Variants in FREM3 observed in about 807,000 individuals in gnomAD.
FREM3 encodes the protein FRAS1 related extracellular matrix 3.
A neutral mutation model predicts 129.1 loss-of-function variants in FREM3; 105 were observed. The ratio of observed to expected loss-of-function variants is 0.81; its 90% CI spans 0.69 to 0.96. The LOEUF is 0.96. Among genes scored for constraint, FREM3 ranks in the 40% least tolerant of loss-of-function variants. The probability of loss-of-function intolerance (pLI) is 0.00; values close to 1 mark genes in which losing one functional copy is unlikely to be tolerated. For synonymous variants in FREM3, 1,014 were observed against 1,044.9 expected (o/e 0.97, Z 0.57); for missense variants, 2,593 against 2,666.3 (o/e 0.97, Z 0.61).
intron 6 of FREM3, among the ~76,000 whole-genome samples, chr4:143,590,495 T>G (rs1738338673): frequency 6.6e-6 from 1 of 152,228 alleles, no homozygotes; most frequent in South Asian, 2.1e-4. Context: ...ATTGAGATAA[T>G]CACGTGTTTT....
intron 2 of FREM3, among the ~76,000 whole-genome samples, chr4:143,672,698 G>A (rs1344703237): frequency 1.3e-5 from 2 of 152,176 alleles, no homozygotes; most frequent in Non-Finnish European, 2.9e-5. Flanking sequence ...TTCCAACTTG[G>A]TTCCATTCTC....
At chr4:143,594,179 G>A (rs1278058051) in intron 6 of FREM3, among the ~76,000 whole-genome samples, 1 of 152,176 alleles carries the variant, frequency 6.6e-6, no homozygotes, top group East Asian at 1.9e-4. Context: ...TGCTTCCCGG[G>A]TGAGGCGATG....
Position 143,696,228 on chromosome 4 carries a change from A to G in FREM3, c.4448T>C (p.Ile1483Thr), listed in dbSNP as rs776594095. 8.5e-6 allele frequency: 13 copies of G among 1,537,896 alleles called. No homozygotes were observed. Among genetic ancestry groups the G allele is most frequent in the South Asian group, 4.8e-5 (4 of 84,066 alleles). ...CAATTGAAGTTGAGTGAAAGAGGCA[A>G]TGGGTTCCCCAGCATAGTCAGAACT... ...LESSDYAGEP[I>T]ASFTQLQLAS... Residue 1483 changes from isoleucine (I) to threonine (T), a missense_variant, in exon 1 of 8, where the codon ATT becomes ACT. Transcript: ENST00000329798.
chr4:143,644,184 TG>T (rs763617020), intron 2 of FREM3, among the ~76,000 whole-genome samples: 38 of 152,020 alleles, frequency 2.5e-4, no homozygotes, highest in South Asian at 2.3e-3. Context: ...CATATGTGTG[TG>T]TGTGTGTGTG....
chr4:143,610,740 G>A (rs2149839147), intron 6 of FREM3, among the ~76,000 whole-genome samples: 1 of 152,318 alleles, frequency 6.6e-6, no homozygotes, highest in Non-Finnish European at 1.5e-5. Context: ...GTGTCTGGGA[G>A]GGGAGTTGGT....
chr4:143,662,753 G>T (rs994240426), intron 2 of FREM3, among the ~76,000 whole-genome samples: 17 of 152,096 alleles, frequency 1.1e-4, no homozygotes, highest in Admixed American at 2.0e-4. Flanking sequence ...CTTGCTTTAT[G>T]AATCTGGGTG....
Position 143,585,292 on chromosome 4 carries a change from C to A in FREM3, c.6178+552G>T, listed in dbSNP as rs1156825388. On this transcript the variant is annotated intron_variant, in intron 7 of 7. Transcript: ENST00000329798. This position sits in a 1 kb window ranked among gnomAD's most constrained non-coding sequence, Gnocchi z 4.2. The stretch of plus-strand genomic sequence containing the variant: ...TTTTCTTTTCCTATTGGGTCCTGTT[C>A]TTTTTCTGATAAAGCACCTGACAGG... Among the ~76,000 whole-genome samples, 3 of 152,190 alleles carry A rather than the reference C, an allele frequency of 2.0e-5. No individual in the cohort carries two copies. The highest frequency in any genetic ancestry group is 4.4e-5 in the Non-Finnish European group (3 of 68,028).
intron 6 of FREM3, among the ~76,000 whole-genome samples, chr4:143,606,525 A>G (rs1226711826): frequency 6.6e-6 from 1 of 152,114 alleles, no homozygotes; most frequent in Admixed American, 6.6e-5. Context: ...TATCACTGCA[A>G]TTAGTAACTT....
At chr4:143,682,721 A>T (rs2149859657) in intron 2 of FREM3, among the ~76,000 whole-genome samples, 1 of 152,298 alleles carries the variant, frequency 6.6e-6, no homozygotes, top group South Asian at 2.1e-4. Flanking sequence ...AATTGTAAAG[A>T]TAGTGTTTAT....
intron 2 of FREM3, among the ~76,000 whole-genome samples, chr4:143,654,610 T>G (rs1739567466): frequency 6.6e-6 from 1 of 152,210 alleles, no homozygotes; most frequent in African/African-American, 2.4e-5. Context: ...TAAACTAGGA[T>G]GAATCCAATT....
intron 2 of FREM3, among the ~76,000 whole-genome samples, chr4:143,671,562 A>T (rs528979618): frequency 3.3e-5 from 5 of 152,256 alleles, no homozygotes; most frequent in Non-Finnish European, 7.4e-5. Flanking sequence ...CAGGAAAGAA[A>T]ACTTTTGTTT....
chr4:143,633,609 G>T (rs1436696255), intron 2 of FREM3, among the ~76,000 whole-genome samples: 3 of 152,122 alleles, frequency 2.0e-5, no homozygotes, highest in African/African-American at 7.2e-5. Flanking sequence ...CATAACGCCT[G>T]GCATGCAGTA....
In FREM3 at chr4:143,699,939, A is replaced by G; in HGVS notation, c.737T>C (p.Leu246Pro). ...GTGCTGATAGCGCACCCCAGCACGG[A>G]GGAAAGCCTCACAGTCTACGCCCTT... The part of the protein sequence containing the change: ...RGKGVDCEAF[L>P]RAGVRYQHTA... The change falls in exon 1 of 8, where the codon CTC becomes CCC. Residue 246 changes from leucine to proline, a missense_variant. This residue lies in a region of FREM3 where 2,276 missense variants were observed against 2,267.2 expected (regional missense o/e 1.00). Coordinates refer to ENST00000329798, the MANE Select transcript of FREM3 (RefSeq NM_001168235.2). This position sits in a 1 kb window ranked among gnomAD's most constrained non-coding sequence, Gnocchi z 4.2. 6.5e-7 allele frequency: 1 copy of G among 1,532,892 alleles called. No homozygotes were observed. Among genetic ancestry groups the G allele is most frequent in the Middle Eastern group, 1.7e-4 (1 of 5,964 alleles). 95.0% of individuals were successfully genotyped at this position (1,532,892 alleles called of 1,614,324 possible). A position where few individuals can be genotyped will look rare whatever the true frequency, so the allele number is the denominator to read the frequency against.
intron 5 of FREM3, among the ~76,000 whole-genome samples, chr4:143,615,462 G>A (rs1444561568): frequency 1.3e-5 from 2 of 152,114 alleles, no homozygotes; most frequent in Non-Finnish European, 2.9e-5. Flanking sequence ...TCATGCCCCA[G>A]GAGGGCTGAT....
At position 143,696,696 on chromosome 4, in the gene FREM3, T is replaced by C. The variant is rs1740575738; in HGVS notation, c.3980A>G (p.Asn1327Ser). 2.6e-6 allele frequency: 4 copies of C among 1,537,746 alleles called. No homozygotes were observed. Among genetic ancestry groups the C allele is most frequent in the Non-Finnish European group, 2.6e-6 (3 of 1,147,064 alleles). The change falls in exon 1 of 8, where the codon AAT (asparagine) becomes AGT (serine). Residue 1327 changes from asparagine (N) to serine (S), a missense_variant. Physicochemically the swap from Asn to Ser is conservative, Grantham distance 46 (BLOSUM62 1). This residue lies in a region of FREM3 where 2,276 missense variants were observed against 2,267.2 expected (regional missense o/e 1.00). Coordinates refer to ENST00000329798, the MANE Select transcript of FREM3 (RefSeq NM_001168235.2). ...AAGATCTGTGGCCTTGAGGATCCGA[T>C]TTGTGATGATCTCAGAGTGTCCTTT... Reference protein sequence around the residue: ...VEKGHSEIITNRILKATDLDS... With the variant: ...VEKGHSEIITSRILKATDLDS...
chr4:143,579,928 G>C lies in FREM3; in HGVS notation c.6179-2076C>G, dbSNP rs556467197. 5.3e-5 allele frequency among the ~76,000 whole-genome samples: 8 copies of C among 152,242 alleles called. No individual in the cohort carries two copies. In the East Asian group the frequency reaches 1.5e-3, roughly 29 times the overall value. ...TACTTTTATTAGTTCATCCCTACCA[G>C]ACAGCTAGCAGAGGCGTCATTACTT... On this transcript the variant is annotated intron_variant, in intron 7 of 7. Transcript: ENST00000329798.
rs548247535 is a variant in FREM3 at position 143,605,410 on chromosome 4, T to A, written c.6028+5869A>T. Among the ~76,000 whole-genome samples the A allele has an allele frequency of 3.3e-5, 5 of 152,278 alleles. No individual in the cohort carries two copies. The East Asian group carries it at 9.6e-4, about 29-fold the overall frequency. On this transcript the variant is annotated intron_variant, in intron 6 of 7. Coordinates refer to ENST00000329798, the MANE Select transcript of FREM3 (RefSeq NM_001168235.2). Reference sequence around the variant, plus strand: ...TTACAGTTAAGTACAATTTAGCTCATCTTACTAACTTTATTGTTCACCTGA... The same window carrying A: ...TTACAGTTAAGTACAATTTAGCTCAACTTACTAACTTTATTGTTCACCTGA...
Position 143,697,486 on chromosome 4 carries a change from G to A in FREM3, c.3190C>T (p.Pro1064Ser), listed in dbSNP as rs1740597338. 2.0e-6 allele frequency: 3 copies of A among 1,537,236 alleles called. No homozygotes were observed. Among genetic ancestry groups the A allele is most frequent in the Non-Finnish European group, 8.7e-7 (1 of 1,146,890 alleles). ...EKVQVQVTVL[P>S]VDNVGPKVFV... is the part of the protein sequence containing the mutation. ...ACCTTGGGTCCCACATTGTCCACAG[G>A]CAGCACAGTTACTTGTACCTGTACT... is the stretch of plus-strand genomic sequence containing the variant. Residue 1064 changes from proline to serine, a missense_variant, in exon 1 of 8, where the codon CCT becomes TCT. By Grantham distance (74) the Pro-to-Ser change is moderately conservative. Around this residue, in one of 2 missense-constraint regions of FREM3, gnomAD observed 2,276 missense variants for 2,267.2 expected, o/e 1.00. Coordinates refer to ENST00000329798, the MANE Select transcript of FREM3 (RefSeq NM_001168235.2).
Position 143,699,500 on chromosome 4 carries a change from A to C in FREM3, c.1176T>G (p.Pro392=). Residue 392 remains proline, a synonymous_variant, in exon 1 of 8, where the codon CCT becomes CCG. Transcript: ENST00000329798. This position sits in a 1 kb window ranked among gnomAD's most constrained non-coding sequence, Gnocchi z 4.2. ...GGCGCTCCCCATGGGAGTTCTCTGC[A>C]GGGGGCTGATAGGCAATCTTCAGCT... The part of the protein sequence containing the change: ...LRELKIAYQP[P]AENSHGERLF... The C allele has an allele frequency of 4.6e-6, 7 of 1,537,276 alleles. No individual in the cohort carries two copies. The highest frequency in any genetic ancestry group is 5.2e-6 in the Non-Finnish European group (6 of 1,146,920).
Sources: allele counts gnomAD v4.1 joint callset (sites outside exome capture counted in the v4.1 genomes callset), GRCh38; gene constraint gnomAD v4.1.1; regional missense constraint gnomAD v4.1.1; non-coding constraint Gnocchi (gnomAD v3.1); transcripts MANE v1.5; gene names NCBI Gene and HGNC (gene_info 2026-07-23, HGNC 2026-07-21).